The following HS3ST4 variants were observed in gnomAD, a reference collection of about 807,000 sequenced individuals.
HS3ST4 encodes heparan sulfate glucosamine 3-O-sulfotransferase 4.
Under a neutral mutation model 29.2 loss-of-function variants are expected in HS3ST4, and 17 were observed. That is an observed-to-expected ratio of 0.58 (90% CI 0.40 to 0.87). The LOEUF is 0.87. HS3ST4 is among the 40% of genes least tolerant of loss of function. The pLI is 0.00. For missense variants in HS3ST4, 627 were observed against 634.5 expected (o/e 0.99, Z 0.13); for synonymous variants, 314 against 285.7 (o/e 1.10, Z -1.00).
At chr16:25,697,724 G>T (rs575970769) in intron 1 of HS3ST4, among the ~76,000 whole-genome samples, 1 of 152,098 alleles carries the variant, frequency 6.6e-6, no homozygotes, top group South Asian at 2.1e-4. Flanking sequence ...TTGAGACGGG[G>T]TCTCGCTCTG....
At chr16:25,827,408 C>G (rs1171066107) in intron 1 of HS3ST4, among the ~76,000 whole-genome samples, 6 of 152,016 alleles carry the variant, frequency 3.9e-5, no homozygotes, top group African/African-American at 1.5e-4. Context: ...TTAGGTGGGA[C>G]AGGGAAGGCC....
chr16:25,906,734 A>C (rs1369739037), intron 1 of HS3ST4, among the ~76,000 whole-genome samples: 1 of 152,222 alleles, frequency 6.6e-6, no homozygotes, highest in Non-Finnish European at 1.5e-5. Flanking sequence ...CAAATTCATG[A>C]AGGTGTGAAA....
At chr16:26,012,539 A>G (rs1969320181) in intron 1 of HS3ST4, among the ~76,000 whole-genome samples, 1 of 152,232 alleles carries the variant, frequency 6.6e-6, no homozygotes, top group African/African-American at 2.4e-5. Flanking sequence ...CAGATATATC[A>G]GCAATAATTT....
At chr16:25,943,781 T>C (rs578135941) in intron 1 of HS3ST4, among the ~76,000 whole-genome samples, 1 of 152,280 alleles carries the variant, frequency 6.6e-6, no homozygotes, top group Admixed American at 6.5e-5. Flanking sequence ...TCATGAGCAG[T>C]CTTATTTAAT....
chr16:25,947,993 A>G (rs531059995), intron 1 of HS3ST4, among the ~76,000 whole-genome samples: 33 of 152,348 alleles, frequency 2.2e-4, no homozygotes, highest in African/African-American at 7.9e-4. Flanking sequence ...TGCCTGGAAT[A>G]TAAGTGCTTA....
intron 1 of HS3ST4, among the ~76,000 whole-genome samples, chr16:25,948,358 G>T (rs1968650192): frequency 1.3e-5 from 2 of 151,948 alleles, no homozygotes; most frequent in South Asian, 2.1e-4. Context: ...TTTTTTCAGA[G>T]CATTTTGGAT....
intron 1 of HS3ST4, among the ~76,000 whole-genome samples, chr16:25,779,513 C>A (rs2141614635): frequency 6.6e-6 from 1 of 152,292 alleles, no homozygotes; most frequent in Middle Eastern, 3.4e-3. Context: ...TAGCATTAAA[C>A]TAACATTTAC....
intron 1 of HS3ST4, among the ~76,000 whole-genome samples, chr16:25,776,072 T>G (rs1427578057): frequency 6.6e-6 from 1 of 152,222 alleles, no homozygotes; most frequent in Non-Finnish European, 1.5e-5. Flanking sequence ...GGCCTTTGGT[T>G]GTCTTGCAAC....
At chr16:25,939,304 T>TTTTTTATTA (rs1968550168) in intron 1 of HS3ST4, among the ~76,000 whole-genome samples, 3 of 114,580 alleles carry the variant, frequency 2.6e-5, no homozygotes, top group African/African-American at 1.0e-4. Flanking sequence ...GCTGACAGCA[T>TTTTTTATTA]TTATTATTAT....
intron 1 of HS3ST4, among the ~76,000 whole-genome samples, chr16:25,858,253 A>G (rs891756256): frequency 1.1e-4 from 17 of 152,026 alleles, no homozygotes; most frequent in African/African-American, 4.1e-4. Context: ...ATGCACATAT[A>G]TAATTTCACA....
intron 1 of HS3ST4, among the ~76,000 whole-genome samples, chr16:25,723,914 CCAT>C (rs967823919): frequency 2.0e-5 from 3 of 152,138 alleles, no homozygotes; most frequent in Admixed American, 6.5e-5. Flanking sequence ...GAGATCGAGA[CCAT>C]CTTGGCCAAC....
intron 1 of HS3ST4, among the ~76,000 whole-genome samples, chr16:25,970,127 TTA>T (rs1360848145): frequency 6.6e-6 from 1 of 152,204 alleles, no homozygotes; most frequent in Non-Finnish European, 1.5e-5. Context: ...CTCCAATCAT[TTA>T]TACAGCAGGT....
intron 1 of HS3ST4, among the ~76,000 whole-genome samples, chr16:25,982,471 A>G (rs915479387): frequency 6.6e-6 from 1 of 152,268 alleles, no homozygotes; most frequent in Admixed American, 6.5e-5. Context: ...TTTTGGGGCC[A>G]AATGCCTCCC....
intron 1 of HS3ST4, among the ~76,000 whole-genome samples, chr16:25,816,028 T>C (rs1049285589): frequency 6.6e-6 from 1 of 152,208 alleles, no homozygotes; most frequent in African/African-American, 2.4e-5. Flanking sequence ...AATGATCTTA[T>C]GTTTGCTTGC....
At chr16:25,882,856 CA>C (rs1348776676) in intron 1 of HS3ST4, among the ~76,000 whole-genome samples, 1 of 152,124 alleles carries the variant, frequency 6.6e-6, no homozygotes, top group Non-Finnish European at 1.5e-5. Context: ...TGATGGAAGG[CA>C]GGCAAACTCG....
chr16:25,811,923 CT>C (rs1567245152), intron 1 of HS3ST4, among the ~76,000 whole-genome samples: 2 of 152,252 alleles, frequency 1.3e-5, no homozygotes, highest in East Asian at 1.9e-4. Flanking sequence ...GTTGGCGCCC[CT>C]AACCCCAATG....
chr16:26,093,219 G>A (rs1323059881), intron 1 of HS3ST4, among the ~76,000 whole-genome samples: 1 of 152,198 alleles, frequency 6.6e-6, no homozygotes, highest in Non-Finnish European at 1.5e-5. Flanking sequence ...CTGTCTGACA[G>A]CTCTGAAGAG....
chr16:25,711,597 G>A (rs935795582), intron 1 of HS3ST4, among the ~76,000 whole-genome samples: 2 of 151,882 alleles, frequency 1.3e-5, no homozygotes, highest in African/African-American at 4.8e-5. Flanking sequence ...TTTTTTTTTA[G>A]CCACCCCTCC....
intron 1 of HS3ST4, among the ~76,000 whole-genome samples, chr16:26,027,822 C>G (rs1206709288): frequency 1.3e-5 from 2 of 152,204 alleles, no homozygotes; most frequent in African/African-American, 2.4e-5. Flanking sequence ...GTTCACACAT[C>G]TAGTGATACA....
Sources: gnomAD v4.1 joint callset for allele counts (sites outside exome capture counted in the v4.1 genomes callset) on GRCh38, gnomAD v4.1.1 for gene constraint, MANE v1.5 for transcripts, NCBI Gene and HGNC (gene_info 2026-07-23, HGNC 2026-07-21) for gene names.